KDM3A: variants seen among roughly 807,000 people sequenced by gnomAD.
The protein encoded by KDM3A is lysine demethylase 3A, also known as lysine-specific demethylase 3A.
KDM3A carries 60 observed loss-of-function variants against 158.0 expected under a neutral mutation model. The ratio of observed to expected loss-of-function variants is 0.38; its 90% CI spans 0.31 to 0.47. The LOEUF is 0.47. KDM3A is among the 20% of genes least tolerant of loss of function. KDM3A has a pLI of 0.99. For synonymous variants in KDM3A, 608 were observed against 549.3 expected (o/e 1.11, Z -1.49); for missense variants, 1,319 against 1,574.3 (o/e 0.84, Z 2.74).
At position 86,484,954 on chromosome 2, in the gene KDM3A, A is replaced by G; in HGVS notation, c.3107A>G (p.Asn1036Ser). 6.2e-7 allele frequency: 1 copy of G among 1,603,972 alleles called. No homozygotes were observed. Among genetic ancestry groups the G allele is most frequent in the South Asian group, 1.1e-5 (1 of 90,808 alleles). The change falls in exon 20 of 26, where the codon AAT (asparagine) becomes AGT (serine). Residue 1036 changes from asparagine (N) to serine (S), a missense_variant. By Grantham distance (46) the Asn-to-Ser change is conservative (BLOSUM62 1). This residue lies in a region of KDM3A where 368 missense variants were observed against 415.8 expected (regional missense o/e 0.89). Transcript: ENST00000312912. ...GFEDVPNRLK[N>S]EKEPMVLKLK... The stretch of plus-strand genomic sequence containing the variant: ...GTTTACCTTTCAGATCGTTTGAAAA[A>G]TGAAAAAGAACCAATGGTGTTGAAA...
In KDM3A at chr2:86,478,675, T is replaced by G. The variant is rs927968319; in HGVS notation, c.2256T>G (p.Pro752=). ...AATGGGGAATAAAGGCAAACTGCCCTTGTTCAAACAGGCAATTCAAACTCT... is the reference window on the plus strand; with the variant it reads ...AATGGGGAATAAAGGCAAACTGCCCGTGTTCAAACAGGCAATTCAAACTCT... The part of the protein sequence containing the change: ...RAKWGIKANC[P]CSNRQFKLFS... Residue 752 remains proline (P), a synonymous_variant, in exon 15 of 26, where the codon CCT becomes CCG. Transcript: ENST00000312912. 1 of 1,613,986 alleles carries G rather than the reference T, an allele frequency of 6.2e-7. No homozygotes were observed. Among genetic ancestry groups the G allele is most frequent in the Admixed American group, 1.7e-5 (1 of 60,024 alleles).
intron 9 of KDM3A, among the ~76,000 whole-genome samples, chr2:86,465,855 A>G (rs1466786359): frequency 2.6e-5 from 4 of 151,740 alleles, no homozygotes; most frequent in Non-Finnish European, 5.9e-5. Context: ...AGTAGCAAGA[A>G]TGGAGTTTTA....
At chr2:86,483,006 C>T in intron 18 of KDM3A, 2 of 347,008 alleles carry the variant, frequency 5.8e-6, no homozygotes, top group Non-Finnish European at 1.1e-5. Flanking sequence ...GGTGTGACTA[C>T]AGGCTGATGG....
Position 86,480,381 on chromosome 2 carries a change from T to C in KDM3A, c.2512+19T>C, listed in dbSNP as rs4832290. On this transcript the variant is annotated intron_variant, in intron 16 of 25. Transcript: ENST00000312912. ...AACAAGGGTGAGTGTTTCCTGCTTT[T>C]GTGTTTGTTCTTGAGTATTTTAGTC... 0.77 allele frequency: 1,236,029 copies of C among 1,598,364 alleles called. 481,047 individuals are homozygous for C. The highest frequency in any genetic ancestry group is 0.96 in the East Asian group (42,614 of 44,568).
At chr2:86,485,070 C>T (rs758411935) in intron 20 of KDM3A, 41 bp downstream of exon 20, 7 of 1,121,216 alleles carry the variant, frequency 6.2e-6, no homozygotes, top group Non-Finnish European at 5.4e-6. Flanking sequence ...CTGTCCTTCA[C>T]TTGGTAGGAT....
chr2:86,484,907 A>G (rs781356754), intron 19 of KDM3A, 35 bp from the exon 20 acceptor site: 24 of 1,316,084 alleles, frequency 1.8e-5, no homozygotes, highest in South Asian at 1.1e-4. Flanking sequence ...TTTCTGAATT[A>G]TAAATAGTAA....
chr2:86,438,952 T>C (rs1558595965), upstream of KDM3A, among the ~76,000 whole-genome samples: 2 of 152,088 alleles, frequency 1.3e-5, no homozygotes, highest in African/African-American at 4.8e-5. Flanking sequence ...ACATTCCATT[T>C]ATTGTTAATA....
chr2:86,443,186 T>C (rs1682811738), intron 2 of KDM3A: 1 of 152,220 alleles, frequency 6.6e-6, no homozygotes, highest in Non-Finnish European at 1.5e-5. Flanking sequence ...ACAGAAGATA[T>C]TTCCACCCTG....
At chr2:86,455,294 CTTTT>C (rs767439758) in intron 5 of KDM3A, 107 bp downstream of exon 5, 165 of 537,734 alleles carry the variant, frequency 3.1e-4, no homozygotes, top group South Asian at 3.5e-4. Context: ...TTTCTTTTTT[CTTTT>C]TTTTTTTTTT....
At chr2:86,451,262 C>CTT in intron 4 of KDM3A, 49 bp downstream of exon 4, 22 of 1,213,750 alleles carry the variant, frequency 1.8e-5, no homozygotes, top group Non-Finnish European at 2.5e-5. Context: ...ATACGAACTC[C>CTT]TTTAACATGA....
upstream of KDM3A, among the ~76,000 whole-genome samples, chr2:86,437,935 T>C (rs1682516884): frequency 6.6e-6 from 1 of 152,164 alleles, no homozygotes; most frequent in Non-Finnish European, 1.5e-5. Context: ...TGTTTTGGGC[T>C]TTTTCTTCCA....
chr2:86,466,485 A>G lies in KDM3A; in HGVS notation c.1121A>G (p.Gln374Arg), dbSNP rs1673154845. 6.2e-7 allele frequency: 1 copy of G among 1,613,842 alleles called. No homozygotes were observed. The highest frequency in any genetic ancestry group is 1.3e-5 in the African/African-American group (1 of 74,916). ...CKAGLLSKSS[Q>R]IGTGDLKILT... ...GCAGGGTTGCTCTCAAAGTCCTCTC[A>G]GATTGGAACTGGAGACTTGAAAATT... Residue 374 changes from glutamine (Q) to arginine (R), a missense_variant, in exon 10 of 26, where the codon CAG becomes CGG. Around this residue, in one of 4 missense-constraint regions of KDM3A, gnomAD observed 652 missense variants for 627.2 expected, o/e 1.04. Transcript: ENST00000312912.
chr2:86,446,871 G>C (rs958611022), intron 2 of KDM3A, among the ~76,000 whole-genome samples: 2 of 152,208 alleles, frequency 1.3e-5, no homozygotes, highest in African/African-American at 2.4e-5. Context: ...AAGTGCAGTG[G>C]CACAATCATA....
chr2:86,491,953 A>AT, intron 25 of KDM3A, 86 bp from the exon 26 acceptor site: 1 of 844,228 alleles, frequency 1.2e-6, no homozygotes, highest in Non-Finnish European at 1.9e-6. Flanking sequence ...AGAGAAGGTA[A>AT]TAAAATTAGT....
At chr2:86,459,385 C>CTA (rs1227420449) in intron 8 of KDM3A, among the ~76,000 whole-genome samples, 24 of 152,148 alleles carry the variant, frequency 1.6e-4, no homozygotes, top group Admixed American at 1.0e-3. Context: ...TGTTGGCAGT[C>CTA]TAGAGTTAGA....
chr2:86,469,404 A>G (rs1393819365), intron 10 of KDM3A, among the ~76,000 whole-genome samples: 1 of 152,138 alleles, frequency 6.6e-6, no homozygotes, highest in Non-Finnish European at 1.5e-5. Flanking sequence ...TCTGTTTTCT[A>G]TGAAATACTC....
chr2:86,480,284 C>G lies in KDM3A; in HGVS notation c.2434C>G (p.Pro812Ala), dbSNP rs373927646. Residue 812 changes from proline (P) to alanine (A), a missense_variant, in exon 16 of 26, where the codon CCT (proline) becomes GCT (alanine). By Grantham distance (27) the Pro-to-Ala change is conservative. Coordinates refer to ENST00000312912, the MANE Select transcript of KDM3A (RefSeq NM_018433.6). ...CTCCAAGCCAGCCGGCAGCATGAAG[C>G]CTGCCTGTCCAGCCAGCACATCTCC... ...AASKPAGSMK[P>A]ACPASTSPLN... is the part of the protein sequence containing the mutation. The G allele has an allele frequency of 1.9e-5, 30 of 1,613,956 alleles. No homozygotes were observed. In the Admixed American group the frequency reaches 2.5e-4, roughly 13 times the overall value.
intron 4 of KDM3A, among the ~76,000 whole-genome samples, chr2:86,451,601 C>T (rs900280884): frequency 1.3e-5 from 2 of 152,074 alleles, no homozygotes; most frequent in South Asian, 2.1e-4. Context: ...CTTGCAATCT[C>T]GGGTGACAGA....
Position 86,442,035 on chromosome 2 carries a change from AGGCGT to A in KDM3A, c.-10_-6del. 4 of 1,609,264 alleles carry A rather than the reference AGGCGT, an allele frequency of 2.5e-6. No homozygotes were observed. Among genetic ancestry groups the A allele is most frequent in the Non-Finnish European group, 3.4e-6 (4 of 1,177,358 alleles). ...TTTTGCAGGGAGGAGCTCTTCCTGCAGGCGTGGAAACCATGGTGCTCACGCTCGGA... is the reference window on the plus strand; with the variant it reads ...TTTTGCAGGGAGGAGCTCTTCCTGCAGGAAACCATGGTGCTCACGCTCGGA... On this transcript the variant is annotated 5_prime_UTR_variant, in exon 2 of 26. Coordinates refer to ENST00000312912, the MANE Select transcript of KDM3A (RefSeq NM_018433.6).
Sources: allele counts gnomAD v4.1 joint callset (sites outside exome capture counted in the v4.1 genomes callset), GRCh38; gene constraint gnomAD v4.1.1; regional missense constraint gnomAD v4.1.1; transcripts MANE v1.5; gene names NCBI Gene and HGNC (gene_info 2026-07-23, HGNC 2026-07-21).